The following WHRN variants were observed in gnomAD, a reference collection of about 807,000 sequenced individuals.
WHRN encodes CASK-interacting protein CIP98.
A neutral mutation model predicts 68.3 loss-of-function variants in WHRN; 41 were observed. That is an observed-to-expected ratio of 0.60 (90% confidence interval 0.47 to 0.78). WHRN has a LOEUF of 0.78. Ranked by LOEUF, WHRN falls within the 30% of genes least tolerant of loss-of-function variation. The pLI, the probability that WHRN is intolerant of heterozygous loss-of-function variation, is 0.00. For synonymous variants in WHRN, 560 were observed against 561.3 expected (o/e 1.00, Z 0.03); for missense variants, 1,243 against 1,244.7 (o/e 1.00, Z 0.02).
intron 3 of WHRN, among the ~76,000 whole-genome samples, chr9:114,457,037 G>C (rs1839866481): frequency 6.6e-6 from 1 of 152,106 alleles, no homozygotes; most frequent in African/African-American, 2.4e-5. Context: ...AAAAAATACT[G>C]TGTATGTATA....
chr9:114,424,459 G>C lies in WHRN; in HGVS notation c.1291C>G (p.Arg431Gly). 2 of 1,613,820 alleles carry C rather than the reference G, an allele frequency of 1.2e-6. No individual in the cohort carries two copies. Among genetic ancestry groups the C allele is most frequent in the Non-Finnish European group, 1.7e-6 (2 of 1,179,966 alleles). ...TGTTCCTGCTCGTTCAGCAGGTGCCGAGCCTGCTCCTCCAGCAGCACTCGT... is the reference window on the plus strand; with the variant it reads ...TGTTCCTGCTCGTTCAGCAGGTGCCCAGCCTGCTCCTCCAGCAGCACTCGT... ...QTRVLLEEQA[R>G]HLLNEQEHAT... is the part of the protein sequence containing the mutation. The change falls in exon 6 of 12, where the codon CGG becomes GGG. Residue 431 changes from arginine to glycine, a missense_variant. Physicochemically the swap from Arg to Gly is moderately radical, Grantham distance 125 (BLOSUM62 -2). Transcript: ENST00000362057.
intron 3 of WHRN, among the ~76,000 whole-genome samples, chr9:114,428,818 C>T (rs1218194150): frequency 6.6e-6 from 1 of 151,844 alleles, no homozygotes; most frequent in African/African-American, 2.4e-5. Flanking sequence ...TCCTCCACCC[C>T]CATCAGCCCC....
At chr9:114,441,262 G>GT (rs1295580392) in intron 3 of WHRN, among the ~76,000 whole-genome samples, 5 of 151,820 alleles carry the variant, frequency 3.3e-5, no homozygotes, top group African/African-American at 9.6e-5. Context: ...CAATAGTTAA[G>GT]TTTTTGGAGA....
intron 2 of WHRN, among the ~76,000 whole-genome samples, chr9:114,476,178 G>C (rs1485193661): frequency 6.6e-6 from 1 of 151,754 alleles, no homozygotes; most frequent in Non-Finnish European, 1.5e-5. Flanking sequence ...ACGTTGCCTA[G>C]GCTGATCTCA....
intron 3 of WHRN, among the ~76,000 whole-genome samples, chr9:114,433,051 G>T (rs754194940): frequency 5.3e-5 from 8 of 152,198 alleles, no homozygotes; most frequent in Non-Finnish European, 1.0e-4. Context: ...AGGACGGGAA[G>T]TAGAGTCATT....
chr9:114,466,992 T>C (rs1840762763), intron 2 of WHRN, among the ~76,000 whole-genome samples: 1 of 145,934 alleles, frequency 6.9e-6, no homozygotes, highest in African/African-American at 2.6e-5. Flanking sequence ...CTCCCCAGAG[T>C]TCTCCTGTCA....
At chr9:114,450,833 C>A (rs1278031290) in intron 3 of WHRN, among the ~76,000 whole-genome samples, 1 of 148,338 alleles carries the variant, frequency 6.7e-6, no homozygotes, top group Admixed American at 6.6e-5. Context: ...GTTTCCCCCC[C>A]CGCAAAAAAA....
At chr9:114,417,271 G>C (rs556370236) in intron 7 of WHRN, among the ~76,000 whole-genome samples, 1 of 152,170 alleles carries the variant, frequency 6.6e-6, no homozygotes, top group Admixed American at 6.5e-5. Flanking sequence ...AGCATGATCC[G>C]AGGAATTCAG....
At chr9:114,486,895 T>TGAA (rs780814288) in intron 1 of WHRN, among the ~76,000 whole-genome samples, 1 of 101,660 alleles carries the variant, frequency 9.8e-6, no homozygotes, top group Non-Finnish European at 2.0e-5. Flanking sequence ...AGTGTGTGTG[T>TGAA]GTGTGTGTGT....
chr9:114,425,082 G>A (rs747274721), intron 4 of WHRN, 58 bp from the exon 5 acceptor site: 1 of 1,567,820 alleles, frequency 6.4e-7, no homozygotes, highest in Non-Finnish European at 8.8e-7. Flanking sequence ...ATGGGCGTGG[G>A]CAAGGGACAG....
chr9:114,457,611 A>T (rs1362226048), intron 3 of WHRN, among the ~76,000 whole-genome samples: 1 of 152,088 alleles, frequency 6.6e-6, no homozygotes, highest in Non-Finnish European at 1.5e-5. Flanking sequence ...TCACAAGTAG[A>T]TGCTAAAAAG....
chr9:114,482,105 A>G lies in WHRN; in HGVS notation c.619-3334T>C, dbSNP rs186314820. ...GCATAGTGAAGAGCAAAGCATAGCC[A>G]GGTCCATAGAAGGTCTTCACGACAC... On this transcript the variant is annotated intron_variant, in intron 1 of 11. Coordinates refer to ENST00000362057, the MANE Select transcript of WHRN (RefSeq NM_015404.4). Among the ~76,000 whole-genome samples the G allele has an allele frequency of 6.9e-4, 105 of 151,772 alleles. 1 individual carries two copies. Among genetic ancestry groups the G allele is most frequent in the Admixed American group, 6.6e-3 (100 of 15,252 alleles).
At chr9:114,459,303 C>CAA (rs10679870) in intron 3 of WHRN, among the ~76,000 whole-genome samples, 109,562 of 149,230 alleles carry the variant, frequency 0.73, 40,219 homozygotes, top group East Asian at 0.96. Flanking sequence ...ACTAAAAATA[C>CAA]AAAAAAAAAA....
chr9:114,454,638 A>G (rs1839616100), intron 3 of WHRN, among the ~76,000 whole-genome samples: 1 of 152,152 alleles, frequency 6.6e-6, no homozygotes, highest in South Asian at 2.1e-4. Flanking sequence ...TAAATCTTCT[A>G]ATTTGATCTA....
At chr9:114,439,586 C>A (rs1038114359) in intron 3 of WHRN, among the ~76,000 whole-genome samples, 1 of 152,050 alleles carries the variant, frequency 6.6e-6, no homozygotes, top group African/African-American at 2.4e-5. Context: ...ACGTTTTAGA[C>A]AAATATTGAA....
Position 114,450,991 on chromosome 9 carries a change from C to T in WHRN, c.963+15276G>A, listed in dbSNP as rs572175382. The stretch of plus-strand genomic sequence containing the variant: ...CTTTTCTGCCCCATGGCAGACACAG[C>T]GCTAAGTGACTCTTAGCATTAGCTA... On this transcript the variant is annotated intron_variant, in intron 3 of 11. Transcript: ENST00000362057. Among the ~76,000 whole-genome samples, 111 of 152,304 alleles carry T rather than the reference C, an allele frequency of 7.3e-4. 1 individual carries two copies. The highest frequency in any genetic ancestry group is 2.6e-3 in the African/African-American group (108 of 41,558).
chr9:114,403,489 A>G (rs1762112175), intron 10 of WHRN, 150 bp from the exon 11 acceptor site: 1 of 1,062,266 alleles, frequency 9.4e-7, no homozygotes, highest in Non-Finnish European at 1.4e-6. Flanking sequence ...CACTAAGCCA[A>G]GCACTTGTGT....
chr9:114,417,198 G>A (rs1307046687), intron 7 of WHRN, among the ~76,000 whole-genome samples: 1 of 152,206 alleles, frequency 6.6e-6, no homozygotes, highest in South Asian at 2.1e-4. Flanking sequence ...GATTGACTGT[G>A]TCTGCTTTGA....
At chr9:114,420,248 T>C (rs890906383) in intron 7 of WHRN, among the ~76,000 whole-genome samples, 2 of 152,118 alleles carry the variant, frequency 1.3e-5, no homozygotes, top group African/African-American at 4.8e-5. Context: ...GCAGGAATAA[T>C]GGAGAGAGGG....
Sources: gnomAD v4.1 joint callset for allele counts (sites outside exome capture counted in the v4.1 genomes callset) on GRCh38, gnomAD v4.1.1 for gene constraint, MANE v1.5 for transcripts, NCBI Gene and HGNC (gene_info 2026-07-23, HGNC 2026-07-21) for gene names.